The following LINGO1 variants were observed in gnomAD, a reference collection of about 807,000 sequenced individuals.
LINGO1 encodes the protein leucine rich repeat and Ig domain containing 1.
A neutral mutation model predicts 37.3 loss-of-function variants in LINGO1; 11 were observed. That is an observed-to-expected ratio of 0.29 (90% confidence interval 0.19 to 0.49). LINGO1 has a LOEUF of 0.49. LINGO1 is among the 20% of genes least tolerant of loss of function. The pLI, the probability that LINGO1 is intolerant of heterozygous loss-of-function variation, is 0.99. For synonymous variants in LINGO1, 387 were observed against 403.0 expected (o/e 0.96, Z 0.48); for missense variants, 585 against 878.2 (o/e 0.67, Z 4.22).
intron 1 of LINGO1, among the ~76,000 whole-genome samples, chr15:77,622,884 C>CG (rs1247618947): frequency 3.3e-5 from 5 of 152,200 alleles, no homozygotes; most frequent in African/African-American, 1.2e-4. Context: ...TGAGAAGAAG[C>CG]AACGGCCTCT....
chr15:77,803,482 A>G (rs1224420212), intron 1 of LINGO1, among the ~76,000 whole-genome samples: 1 of 152,136 alleles, frequency 6.6e-6, no homozygotes, highest in Non-Finnish European at 1.5e-5. Context: ...AAGAAAAAAA[A>G]AAAAGATGTT....
chr15:77,793,716 T>A (rs1044992462), intron 2 of LINGO1, among the ~76,000 whole-genome samples: 3 of 152,096 alleles, frequency 2.0e-5, no homozygotes, highest in Non-Finnish European at 4.4e-5. Context: ...AAAAATCACA[T>A]TATAGAAGAG....
upstream of LINGO1, among the ~76,000 whole-genome samples, chr15:77,790,868 T>A (rs2076813442): frequency 6.6e-6 from 1 of 151,870 alleles, no homozygotes; most frequent in Admixed American, 6.5e-5. Context: ...TTGGAGAGAG[T>A]GAGGTCCCTG....
chr15:77,694,245 C>G (rs187097885), intron 1 of LINGO1, among the ~76,000 whole-genome samples: 3 of 152,046 alleles, frequency 2.0e-5, no homozygotes, highest in Admixed American at 6.5e-5. Context: ...TAGGACTTCA[C>G]AGATCACAGA....
chr15:77,781,845 C>T (rs4886913), intron 1 of LINGO1, among the ~76,000 whole-genome samples: 12,909 of 152,276 alleles, frequency 0.085, 574 homozygotes, highest in Middle Eastern at 0.13. Context: ...GCCTCTCTCG[C>T]CCTCAGGGCC....
At chr15:77,616,482 C>T (rs1310195791) in intron 1 of LINGO1, among the ~76,000 whole-genome samples, 2 of 152,208 alleles carry the variant, frequency 1.3e-5, no homozygotes. Flanking sequence ...CGCCATGCCC[C>T]CTCCCCATCA....
intron 1 of LINGO1, among the ~76,000 whole-genome samples, chr15:77,694,959 C>G (rs60096962): frequency 0.022 from 3,343 of 152,216 alleles, 132 homozygotes; most frequent in African/African-American, 0.078. Context: ...AGCTGCCACC[C>G]ACTGGCACTA....
Position 77,724,293 on chromosome 15 carries a change from G to C in LINGO1, c.-195+10699C>G, listed in dbSNP as rs990475142. Among the ~76,000 whole-genome samples the C allele has an allele frequency of 2.0e-5, 3 of 152,352 alleles. No individual in the cohort carries two copies. In the South Asian group the frequency reaches 6.2e-4, roughly 32 times the overall value. ...GACTCAGCATCAGGGGCTTTTGAGGGGTCCAGAGCAACCTTAGGGGTGTGA... is the reference window on the plus strand; with the variant it reads ...GACTCAGCATCAGGGGCTTTTGAGGCGTCCAGAGCAACCTTAGGGGTGTGA... On this transcript the variant is annotated intron_variant, in intron 2 of 3. Coordinates refer to the LINGO1 transcript ENST00000561686.
intron 1 of LINGO1, among the ~76,000 whole-genome samples, chr15:77,759,264 T>G (rs1307937378): frequency 6.6e-6 from 1 of 152,176 alleles, no homozygotes; most frequent in Non-Finnish European, 1.5e-5. Flanking sequence ...AAGCCCCCTG[T>G]GGCCCCTCAG....
chr15:77,623,640 C>T (rs965693110), intron 1 of LINGO1, among the ~76,000 whole-genome samples: 6 of 152,180 alleles, frequency 3.9e-5, no homozygotes, highest in Non-Finnish European at 5.9e-5. Context: ...AGCCAGTGTC[C>T]GCCGTCTCCC....
At chr15:77,660,878 T>C (rs2074977441) in intron 3 of LINGO1, among the ~76,000 whole-genome samples, 1 of 151,866 alleles carries the variant, frequency 6.6e-6, no homozygotes. Flanking sequence ...GCGGGAGGGA[T>C]GGATGGAGGG....
chr15:77,613,866 A>C lies in LINGO1; in HGVS notation c.*178T>G. On this transcript the variant is annotated 3_prime_UTR_variant, in exon 2 of 2. Transcript: ENST00000355300. Reference sequence around the variant, plus strand: ...AGGTCTGGGCTTCTGAGGTCCTGGTAGAAGGAGGGCAGGTGGTGAGGGCTG... The same window carrying C: ...AGGTCTGGGCTTCTGAGGTCCTGGTCGAAGGAGGGCAGGTGGTGAGGGCTG... 2 of 616,534 alleles carry C rather than the reference A, an allele frequency of 3.2e-6. No individual in the cohort carries two copies. The highest frequency in any genetic ancestry group is 5.6e-6 in the Non-Finnish European group (2 of 356,230). The allele number at this position is 616,534 out of a possible 1,614,324, so 38.2% of individuals were successfully genotyped here. A position where few individuals can be genotyped will look rare whatever the true frequency, so the allele number is the denominator to read the frequency against.
chr15:77,803,750 G>A (rs142123483), intron 1 of LINGO1, among the ~76,000 whole-genome samples: 17 of 152,206 alleles, frequency 1.1e-4, no homozygotes, highest in Middle Eastern at 3.4e-3. Flanking sequence ...GCCTGTTCCC[G>A]CTTCACCTTC....
intron 1 of LINGO1, among the ~76,000 whole-genome samples, chr15:77,627,554 T>C (rs1436520075): frequency 6.6e-6 from 1 of 152,162 alleles, no homozygotes; most frequent in Admixed American, 6.5e-5. Flanking sequence ...CCGGGGTTCA[T>C]TCCCTGGGTC....
intron 1 of LINGO1, among the ~76,000 whole-genome samples, chr15:77,798,224 C>T (rs1022558698): frequency 7.9e-5 from 12 of 152,194 alleles, no homozygotes; most frequent in African/African-American, 1.9e-4. Flanking sequence ...TCCTCAGGCC[C>T]GGGTACCCCA....
At chr15:77,635,848 C>A (rs976705197), upstream of LINGO1, among the ~76,000 whole-genome samples, 7 of 152,238 alleles carry the variant, frequency 4.6e-5, no homozygotes, top group Non-Finnish European at 1.0e-4. Flanking sequence ...CAGACCCTGG[C>A]TGCAGGCTGA....
At chr15:77,800,125 C>T (rs2076905649) in intron 1 of LINGO1, among the ~76,000 whole-genome samples, 1 of 152,132 alleles carries the variant, frequency 6.6e-6, no homozygotes, top group Admixed American at 6.5e-5. Flanking sequence ...GGCTCAGAGC[C>T]CTCCCTTGGG....
At chr15:77,810,825 C>T (rs535757765) in intron 1 of LINGO1, among the ~76,000 whole-genome samples, 14 of 152,310 alleles carry the variant, frequency 9.2e-5, no homozygotes, top group Admixed American at 7.2e-4. Flanking sequence ...AGACCTGTAG[C>T]TACCTTGGGC....
In LINGO1 at chr15:77,613,939, G is replaced by A. The variant is rs1043963431; in HGVS notation, c.*105C>T. The A allele has an allele frequency of 2.1e-6, 2 of 941,070 alleles. No homozygotes were observed. Among genetic ancestry groups the A allele is most frequent in the Non-Finnish European group, 3.1e-6 (2 of 638,754 alleles). 58.3% of individuals were successfully genotyped at this position (941,070 alleles called of 1,614,324 possible). On this transcript the variant is annotated 3_prime_UTR_variant, in exon 2 of 2. Transcript: ENST00000355300. ...GGCGGGAGGGAGAAAGAGAACGTGT[G>A]TAGAAGGGTAGGGAGGAGGTGGGAA...
Sources: allele counts gnomAD v4.1 joint callset (sites outside exome capture counted in the v4.1 genomes callset), GRCh38; gene constraint gnomAD v4.1.1; transcripts MANE v1.5; gene names NCBI Gene and HGNC (gene_info 2026-07-23, HGNC 2026-07-21).